ZBTB40: variants seen among roughly 807,000 people sequenced by gnomAD.
ZBTB40 encodes zinc finger and BTB domain containing 40.
Under a neutral mutation model 117.5 loss-of-function variants are expected in ZBTB40, and 60 were observed. The observed-to-expected ratio is 0.51, with a 90% confidence interval of 0.41 to 0.63. ZBTB40 has a LOEUF of 0.63. Ranked by LOEUF, ZBTB40 falls within the 30% of genes least tolerant of loss-of-function variation. The probability of loss-of-function intolerance (pLI) is 0.00; values close to 1 mark genes in which losing one functional copy is unlikely to be tolerated. For missense variants in ZBTB40, 1,287 were observed against 1,498.5 expected, an observed-to-expected ratio of 0.86 and a Z score of 2.33; for synonymous variants, 525 against 577.1, an observed-to-expected ratio of 0.91 and a Z score of 1.29.
At chr1:22,464,269 C>A (rs1191661495) in intron 1 of ZBTB40, among the ~76,000 whole-genome samples, 1 of 152,258 alleles carries the variant, frequency 6.6e-6, no homozygotes, top group Non-Finnish European at 1.5e-5. Flanking sequence ...GGTAGTCTGG[C>A]TCCAGCTCTG....
chr1:22,459,972 T>C (rs1278459321), intron 1 of ZBTB40, among the ~76,000 whole-genome samples: 1 of 152,236 alleles, frequency 6.6e-6, no homozygotes, highest in Non-Finnish European at 1.5e-5. Flanking sequence ...ATAATAATTC[T>C]GTTTAGAATC....
At chr1:22,446,121 A>G (rs906928000) in intron 1 of ZBTB40, among the ~76,000 whole-genome samples, 1 of 152,138 alleles carries the variant, frequency 6.6e-6, no homozygotes, top group African/African-American at 2.4e-5. Flanking sequence ...ACACTGTGAC[A>G]GAAATGGAGA....
chr1:22,497,017 A>G (rs1324670306), intron 3 of ZBTB40, among the ~76,000 whole-genome samples: 1 of 152,236 alleles, frequency 6.6e-6, no homozygotes, highest in Non-Finnish European at 1.5e-5. Flanking sequence ...AAGTCCAAGA[A>G]TGCAAATGCT....
intron 1 of ZBTB40, among the ~76,000 whole-genome samples, chr1:22,486,448 C>A (rs968189714): frequency 6.6e-6 from 1 of 152,198 alleles, no homozygotes; most frequent in East Asian, 1.9e-4. Flanking sequence ...TTGTTAAAAA[C>A]AGAGTGCTCT....
intron 1 of ZBTB40, among the ~76,000 whole-genome samples, chr1:22,457,444 G>C (rs150837992): frequency 1.4e-3 from 212 of 152,306 alleles, no homozygotes; most frequent in African/African-American, 4.9e-3. Context: ...GCCAGAGTTT[G>C]GCTCATAGAG....
chr1:22,433,686 T>C (rs926458424), intron 1 of ZBTB40, among the ~76,000 whole-genome samples: 4 of 145,580 alleles, frequency 2.7e-5, no homozygotes. Context: ...TCCACCGATA[T>C]GGACTGATTT....
intron 1 of ZBTB40, among the ~76,000 whole-genome samples, chr1:22,456,039 T>C (rs913720071): frequency 6.6e-6 from 1 of 152,152 alleles, no homozygotes; most frequent in Non-Finnish European, 1.5e-5. Flanking sequence ...GTGAGCTCTT[T>C]GATTTTCACA....
At chr1:22,453,362 T>G (rs1355130450) in intron 1 of ZBTB40, among the ~76,000 whole-genome samples, 1 of 152,224 alleles carries the variant, frequency 6.6e-6, no homozygotes, top group Non-Finnish European at 1.5e-5. Flanking sequence ...AATCATTTAG[T>G]GTTTGTTGAG....
At chr1:22,484,149 G>A (rs1160602764) in intron 1 of ZBTB40, among the ~76,000 whole-genome samples, 1 of 152,106 alleles carries the variant, frequency 6.6e-6, no homozygotes, top group Non-Finnish European at 1.5e-5. Context: ...CTTCATTATT[G>A]TAGCTTTAAA....
intron 1 of ZBTB40, among the ~76,000 whole-genome samples, chr1:22,464,224 A>G (rs1641199291): frequency 6.6e-6 from 1 of 152,262 alleles, no homozygotes; most frequent in Non-Finnish European, 1.5e-5. Context: ...CCAGGATCAC[A>G]CACTTTGTAA....
At chr1:22,475,474 A>G (rs2124410469) in intron 1 of ZBTB40, among the ~76,000 whole-genome samples, 1 of 152,302 alleles carries the variant, frequency 6.6e-6, no homozygotes, top group East Asian at 1.9e-4. Context: ...GCCTGCAAGC[A>G]TATGTTATTT....
rs540236810 is a variant in ZBTB40, at chr1:22,482,794, G to A, written c.-69-7086G>A. On this transcript the variant is annotated intron_variant, in intron 1 of 17. Transcript: ENST00000375647. ...CACTTAGAAATATGCATTTAAGGCCGGGTGCGGTGGCTCACGCCTGTAATC... is the reference window on the plus strand; with the variant it reads ...CACTTAGAAATATGCATTTAAGGCCAGGTGCGGTGGCTCACGCCTGTAATC... Among the ~76,000 whole-genome samples, 6 of 152,226 alleles carry A rather than the reference G, an allele frequency of 3.9e-5. No homozygotes were observed. The South Asian group carries it at 1.0e-3, about 26-fold the overall frequency.
intron 2 of ZBTB40, among the ~76,000 whole-genome samples, chr1:22,490,955 G>A (rs965477578): frequency 1.3e-5 from 2 of 152,222 alleles, no homozygotes; most frequent in South Asian, 2.1e-4. Flanking sequence ...AAGTGCAATG[G>A]CATGATCTCA....
chr1:22,437,785 T>C (rs2124364277), intron 1 of ZBTB40, among the ~76,000 whole-genome samples: 1 of 152,094 alleles, frequency 6.6e-6, no homozygotes, highest in African/African-American at 2.4e-5. Flanking sequence ...CATAATGTTG[T>C]GCAACCATCA....
In ZBTB40 at chr1:22,519,266, T is replaced by C. The variant is rs569278792; in HGVS notation, c.2834-795T>C. 2.2e-4 allele frequency among the ~76,000 whole-genome samples: 33 copies of C among 152,388 alleles called. No homozygotes were observed. The South Asian group carries it at 5.8e-3, about 27-fold the overall frequency. On this transcript the variant is annotated intron_variant, in intron 13 of 17. Transcript: ENST00000375647. ...AGAAAAAGACCAAAGTTTCCTGCCA[T>C]AGGATGGCAAATGTATTCTTCATCA... is the stretch of plus-strand genomic sequence containing the variant.
upstream of ZBTB40, among the ~76,000 whole-genome samples, chr1:22,447,363 A>C (rs1640801572): frequency 6.6e-6 from 1 of 152,156 alleles, no homozygotes; most frequent in South Asian, 2.1e-4. Context: ...GTGGACCTGG[A>C]CAGAGTGTAT....
rs551142801 is a variant in ZBTB40, at chr1:22,490,236, A to C, written c.288A>C (p.Leu96Phe). The C allele has an allele frequency of 6.2e-7, 1 of 1,614,212 alleles. No homozygotes were observed. Among genetic ancestry groups the C allele is most frequent in the African/African-American group, 1.3e-5 (1 of 75,058 alleles). Residue 96 changes from leucine to phenylalanine, a missense_variant, in exon 2 of 18, where the codon TTA (leucine) becomes TTC (phenylalanine). Leu to Phe is a conservative substitution (Grantham distance 22). This residue lies in a region of ZBTB40 where 870 missense variants were observed against 934.4 expected (regional missense o/e 0.93). Transcript: ENST00000375647. ...GKHNFSKIIS[L>F]ADSLQMFDVA... ...ACAACTTCTCCAAAATCATCTCCTT[A>C]GCAGACAGTCTACAGATGTTTGATG... is the stretch of plus-strand genomic sequence containing the variant.
intron 1 of ZBTB40, among the ~76,000 whole-genome samples, chr1:22,487,638 C>A (rs1638506731): frequency 6.6e-6 from 1 of 151,982 alleles, no homozygotes; most frequent in Non-Finnish European, 1.5e-5. Context: ...ATTACCAGTT[C>A]TCCTGCTTGA....
At chr1:22,470,796 G>T (rs1046477906) in intron 1 of ZBTB40, among the ~76,000 whole-genome samples, 1 of 152,158 alleles carries the variant, frequency 6.6e-6, no homozygotes, top group Non-Finnish European at 1.5e-5. Flanking sequence ...CGTGTAGTTG[G>T]CCCTCAGACT....
Sources: allele counts gnomAD v4.1 joint callset (sites outside exome capture counted in the v4.1 genomes callset), GRCh38; gene constraint gnomAD v4.1.1; regional missense constraint gnomAD v4.1.1; transcripts MANE v1.5; gene names NCBI Gene and HGNC (gene_info 2026-07-23, HGNC 2026-07-21).